KIF13A: variants seen among roughly 807,000 people sequenced by gnomAD.
KIF13A encodes kinesin-like protein KIF13A.
A neutral mutation model predicts 212.2 loss-of-function variants in KIF13A; 79 were observed. The ratio of observed to expected loss-of-function variants is 0.37; its 90% CI spans 0.31 to 0.45. The LOEUF (loss-of-function observed/expected upper bound fraction) is 0.45, where lower values mean the gene tolerates loss of function less well. KIF13A is among the 20% of genes least tolerant of loss of function. The pLI is 1.00. For missense variants in KIF13A, 1,901 were observed against 2,209.0 expected (o/e 0.86, Z 2.79); for synonymous variants, 789 against 808.6 (o/e 0.98, Z 0.41).
intron 20 of KIF13A, among the ~76,000 whole-genome samples, chr6:17,802,923 GTTTT>G (rs57190220): frequency 1.5e-5 from 2 of 135,652 alleles, no homozygotes; most frequent in African/African-American, 5.2e-5. Context: ...ATTTTTTTGT[GTTTT>G]TTTTGTTTTT....
intron 2 of KIF13A, among the ~76,000 whole-genome samples, chr6:17,910,708 A>G (rs1581705914): frequency 6.6e-6 from 1 of 152,258 alleles, no homozygotes; most frequent in East Asian, 1.9e-4. Context: ...CAGTAACAGC[A>G]AAGTCTTAAA....
intron 19 of KIF13A, among the ~76,000 whole-genome samples, chr6:17,804,864 G>A: frequency 6.8e-6 from 1 of 147,304 alleles, no homozygotes. Context: ...CCATGGGAGG[G>A]GCCTGTTTGC....
At position 17,773,514 on chromosome 6, in the gene KIF13A, T is replaced by G; in HGVS notation, c.4288A>C (p.Thr1430Pro). The G allele has an allele frequency of 1.2e-6, 2 of 1,611,098 alleles. No homozygotes were observed. The highest frequency in any genetic ancestry group is 1.1e-5 in the South Asian group (1 of 90,914). Residue 1430 changes from threonine to proline, a missense_variant, in exon 36 of 39, where the codon ACT (threonine) becomes CCT (proline). Transcript: ENST00000259711. This position sits in a 1 kb window ranked among gnomAD's most constrained non-coding sequence, Gnocchi z 4.2. ...SSYQDVACYG[T>P]LPRDSPRRNK... ...CTTCGAGGAGAATCCCTGGGTAAAG[T>G]TCCATAACATGCTACATCTTGGTAA...
intron 3 of KIF13A, among the ~76,000 whole-genome samples, chr6:17,887,190 C>A (rs1303117698): frequency 1.3e-5 from 2 of 152,186 alleles, no homozygotes; most frequent in African/African-American, 4.8e-5. Flanking sequence ...TTGTTCCCCT[C>A]TGTCACAGTA....
At chr6:17,903,167 C>T (rs1773193886) in intron 2 of KIF13A, among the ~76,000 whole-genome samples, 1 of 152,190 alleles carries the variant, frequency 6.6e-6, no homozygotes, top group Non-Finnish European at 1.5e-5. Context: ...CTGACATCAA[C>T]TAAATTGAGA....
chr6:17,923,222 C>T (rs1775230120), intron 2 of KIF13A, among the ~76,000 whole-genome samples: 1 of 151,598 alleles, frequency 6.6e-6, no homozygotes, highest in Admixed American at 6.6e-5. Context: ...TGCAGTGAGC[C>T]AAGATTGTGC....
At position 17,914,098 on chromosome 6, in the gene KIF13A, C is replaced by G. The variant is rs1328802407; in HGVS notation, c.147-15918G>C. On this transcript the variant is annotated intron_variant, in intron 2 of 38. Coordinates refer to ENST00000259711, the MANE Select transcript of KIF13A (RefSeq NM_022113.6). The surrounding 1 kb of genome is among the most constrained non-coding windows in gnomAD (Gnocchi z 5.9). ...AATTCAAAAGGAAAAAGAAATGGTC[C>G]TTTATCACAGATGTTTCGAGAAGCA... Among the ~76,000 whole-genome samples the G allele has an allele frequency of 1.3e-5, 2 of 152,172 alleles. No individual in the cohort carries two copies. Among genetic ancestry groups the G allele is most frequent in the African/African-American group, 4.8e-5 (2 of 41,446 alleles).
chr6:17,964,770 A>C (rs905575974), intron 2 of KIF13A, among the ~76,000 whole-genome samples: 5 of 152,138 alleles, frequency 3.3e-5, no homozygotes, highest in Non-Finnish European at 7.4e-5. Context: ...TTTTGATTTT[A>C]TCCCAGATAA....
At chr6:17,796,431 T>C (rs914242828) in intron 23 of KIF13A, among the ~76,000 whole-genome samples, 1 of 151,604 alleles carries the variant, frequency 6.6e-6, no homozygotes, top group East Asian at 1.9e-4. Context: ...TTAGTAGAGA[T>C]GTGGTTTCAC....
chr6:17,965,340 A>G (rs1779210342), intron 2 of KIF13A, among the ~76,000 whole-genome samples: 1 of 152,244 alleles, frequency 6.6e-6, no homozygotes, highest in Admixed American at 6.5e-5. Context: ...CAAACCATCT[A>G]GAACTTTACT....
At chr6:17,759,266 G>A (rs1399392434), downstream of KIF13A, 1 of 152,016 alleles carries the variant, frequency 6.6e-6, no homozygotes, top group Non-Finnish European at 1.5e-5. Context: ...GAATTACACA[G>A]TTTGTATTCT....
chr6:17,889,928 C>A (rs373419080), intron 3 of KIF13A, among the ~76,000 whole-genome samples: 1 of 152,084 alleles, frequency 6.6e-6, no homozygotes, highest in African/African-American at 2.4e-5. Context: ...GCAGATCACC[C>A]GAGGTCGAGA....
At position 17,796,674 on chromosome 6, in the gene KIF13A, A is replaced by T. The variant is rs755122590; in HGVS notation, c.2937T>A (p.His979Gln). The T allele has an allele frequency of 6.5e-7, 1 of 1,537,164 alleles. No individual in the cohort carries two copies. The highest frequency in any genetic ancestry group is 1.2e-5 in the South Asian group (1 of 80,434). Residue 979 changes from histidine to glutamine, a missense_variant, in exon 23 of 39, where the codon CAT becomes CAA. Coordinates refer to ENST00000259711, the MANE Select transcript of KIF13A (RefSeq NM_022113.6). ...GCTCACAGCCAAGTACAAACCTGTC[A>T]TGCAGTGTTCTTGTCTTAGCATGAA... The part of the protein sequence containing the change: ...DSLHAKTRTL[H>Q]DRWNEVTRRI...
In KIF13A at chr6:17,828,539, T is replaced by G. The variant is rs1326481733; in HGVS notation, c.1402-169A>C. ...TTAAAAGTAAAACGCTTACCCTTAATACACCAAATTAAAAAAAAATGTTTA... is the reference window on the plus strand; with the variant it reads ...TTAAAAGTAAAACGCTTACCCTTAAGACACCAAATTAAAAAAAAATGTTTA... On this transcript the variant is annotated intron_variant, in intron 13 of 38. Transcript: ENST00000259711. The surrounding 1 kb of genome is among the most constrained non-coding windows in gnomAD (Gnocchi z 4.3). Among the ~76,000 whole-genome samples the G allele has an allele frequency of 2.0e-5, 3 of 151,442 alleles. No individual in the cohort carries two copies. Among genetic ancestry groups the G allele is most frequent in the Non-Finnish European group, 4.4e-5 (3 of 68,022 alleles).
chr6:17,952,073 G>A (rs1278814076), intron 2 of KIF13A, among the ~76,000 whole-genome samples: 1 of 152,064 alleles, frequency 6.6e-6, no homozygotes, highest in Non-Finnish European at 1.5e-5. Flanking sequence ...GGAGGCCGAG[G>A]TGGGCAGATC....
At chr6:17,956,569 T>C (rs1318491405) in intron 2 of KIF13A, among the ~76,000 whole-genome samples, 3 of 152,252 alleles carry the variant, frequency 2.0e-5, no homozygotes, top group East Asian at 1.9e-4. Context: ...ATTATGGTGA[T>C]AGACATATAT....
At position 17,961,423 on chromosome 6, in the gene KIF13A, G is replaced by A. The variant is rs919850188; in HGVS notation, c.146+25631C>T. On this transcript the variant is annotated intron_variant, in intron 2 of 38. Transcript: ENST00000259711. The surrounding 1 kb of genome is among the most constrained non-coding windows in gnomAD (Gnocchi z 4.1). ...AACCACCCCAAAATTGGCCCAACAA[G>A]CACCAAGCATATTGTAAGCCCTTTA... 1.3e-5 allele frequency among the ~76,000 whole-genome samples: 2 copies of A among 152,216 alleles called. No individual in the cohort carries two copies. Among genetic ancestry groups the A allele is most frequent in the African/African-American group, 4.8e-5 (2 of 41,456 alleles).
At chr6:17,860,228 G>A (rs145377517) in intron 4 of KIF13A, among the ~76,000 whole-genome samples, 95 of 151,524 alleles carry the variant, frequency 6.3e-4, no homozygotes, top group African/African-American at 2.0e-3. Context: ...TTGTTCTGTC[G>A]CCCAGGCTGG....
At chr6:17,977,120 A>C (rs1255692020) in intron 2 of KIF13A, among the ~76,000 whole-genome samples, 17 of 148,462 alleles carry the variant, frequency 1.1e-4, no homozygotes, top group African/African-American at 4.3e-4. Flanking sequence ...ACAACAAAAA[A>C]AAAAAAAAAA....
Sources: gnomAD v4.1 joint callset for allele counts (sites outside exome capture counted in the v4.1 genomes callset) on GRCh38, gnomAD v4.1.1 for gene constraint, Gnocchi (gnomAD v3.1) non-coding constraint, MANE v1.5 for transcripts, NCBI Gene and HGNC (gene_info 2026-07-23, HGNC 2026-07-21) for gene names.